The following AKAP8L variants were observed in gnomAD, a reference collection of about 807,000 sequenced individuals.
The protein encoded by AKAP8L is A-kinase anchoring protein 8 like.
AKAP8L carries 34 observed loss-of-function variants against 77.5 expected under a neutral mutation model. The ratio of observed to expected loss-of-function variants is 0.44; its 90% CI spans 0.33 to 0.58. AKAP8L has a LOEUF of 0.58. Among genes scored for constraint, AKAP8L ranks in the 20% least tolerant of loss-of-function variants. The probability of loss-of-function intolerance (pLI) is 0.02; values close to 1 mark genes in which losing one functional copy is unlikely to be tolerated. For missense variants in AKAP8L, 806 were observed against 887.6 expected, an observed-to-expected ratio of 0.91 and a Z score of 1.17; for synonymous variants, 342 against 340.7, an observed-to-expected ratio of 1.00 and a Z score of -0.04.
rs753252583 is a variant in AKAP8L, at chr19:15,401,144, A to G, written c.816+6T>C. ...CTTCCCAGAGGGGAAGGCTGCCTCC[A>G]CTCACTCGGAAGTCGGCTGTGGTCC... On this transcript the variant is annotated splice_donor_region_variant and intron_variant, in intron 5 of 13. Transcript: ENST00000397410. The surrounding 1 kb of genome is among the most constrained non-coding windows in gnomAD (Gnocchi z 6.2). 8.7e-6 allele frequency: 14 copies of G among 1,604,726 alleles called. No homozygotes were observed. The highest frequency in any genetic ancestry group is 1.2e-5 in the Non-Finnish European group (14 of 1,177,196).
At chr19:15,381,406 A>C (rs982115484) in intron 12 of AKAP8L, among the ~76,000 whole-genome samples, 5 of 152,226 alleles carry the variant, frequency 3.3e-5, no homozygotes, top group African/African-American at 1.2e-4. Flanking sequence ...TCTGCAGAGC[A>C]TGCCAGAGCC....
Position 15,401,768 on chromosome 19 carries a change from T to C in AKAP8L, c.363-165A>G, listed in dbSNP as rs1048868692. 6.6e-6 allele frequency among the ~76,000 whole-genome samples: 1 copy of C among 152,198 alleles called. No homozygotes were observed. The highest frequency in any genetic ancestry group is 2.4e-5 in the African/African-American group (1 of 41,448). Reference sequence around the variant, plus strand: ...TAAAGAGTTCCAGCCTCTCAGCTGATATAGGGGCACCACTGCCCCAAACTT... The same window carrying C: ...TAAAGAGTTCCAGCCTCTCAGCTGACATAGGGGCACCACTGCCCCAAACTT... On this transcript the variant is annotated intron_variant, in intron 4 of 13. Coordinates refer to ENST00000397410, the MANE Select transcript of AKAP8L (RefSeq NM_014371.4). This position sits in a 1 kb window ranked among gnomAD's most constrained non-coding sequence, Gnocchi z 6.2.
chr19:15,390,842 G>A (rs193113315), intron 12 of AKAP8L, among the ~76,000 whole-genome samples: 73 of 152,310 alleles, frequency 4.8e-4, no homozygotes, highest in African/African-American at 1.7e-3. Flanking sequence ...AACAGAGGCA[G>A]AAAAAGCATT....
chr19:15,388,283 A>G (rs1234668966), intron 12 of AKAP8L, among the ~76,000 whole-genome samples: 1 of 152,086 alleles, frequency 6.6e-6, no homozygotes, highest in African/African-American at 2.4e-5. Context: ...ATCAGTGCCC[A>G]GAGTTGCCAC....
At chr19:15,395,130 C>T (rs1414993397) in intron 12 of AKAP8L, among the ~76,000 whole-genome samples, 1 of 151,540 alleles carries the variant, frequency 6.6e-6, no homozygotes, top group Non-Finnish European at 1.5e-5. Context: ...CCTGGGTTCA[C>T]GCCATTCTCC....
intron 2 of AKAP8L, 136 bp from the exon 3 acceptor site, chr19:15,404,178 G>T: frequency 1.2e-6 from 1 of 810,526 alleles, no homozygotes; most frequent in South Asian, 1.7e-5. Context: ...CCTTGAGCTC[G>T]CGAGCACTGC....
Position 15,403,586 on chromosome 19 carries a change from C to A in AKAP8L, c.251G>T (p.Gly84Val). Reference sequence around the variant, plus strand: ...TAAAACGGAATCGGCACTGGCGCTACCCGAGGCACTAGTGTTTGCATTTGT... The same window carrying A: ...TAAAACGGAATCGGCACTGGCGCTAACCGAGGCACTAGTGTTTGCATTTGT... Reference protein sequence around the residue: ...SDTNANTSASGSASADSVLSR... With the variant: ...SDTNANTSASVSASADSVLSR... The change falls in exon 4 of 14, where the codon GGT becomes GTT. Residue 84 changes from glycine (G) to valine (V), a missense_variant. By Grantham distance (109) the Gly-to-Val change is moderately radical (BLOSUM62 -3). This residue lies in a region of AKAP8L where 580 missense variants were observed against 694.1 expected (regional missense o/e 0.84). Coordinates refer to ENST00000397410, the MANE Select transcript of AKAP8L (RefSeq NM_014371.4). The surrounding 1 kb of genome is among the most constrained non-coding windows in gnomAD (Gnocchi z 4.3). 6.2e-7 allele frequency: 1 copy of A among 1,613,980 alleles called. No homozygotes were observed. Among genetic ancestry groups the A allele is most frequent in the Non-Finnish European group, 8.5e-7 (1 of 1,179,898 alleles).
intron 12 of AKAP8L, chr19:15,380,832 A>T: frequency 1.7e-6 from 1 of 584,150 alleles, no homozygotes; most frequent in East Asian, 2.8e-5. Context: ...GTAAATAAAA[A>T]TACAGATCTA....
In AKAP8L at chr19:15,397,079, A is replaced by C; in HGVS notation, c.1536+71T>G. The C allele has an allele frequency of 6.3e-7, 1 of 1,592,084 alleles. No homozygotes were observed. The highest frequency in any genetic ancestry group is 8.6e-7 in the Non-Finnish European group (1 of 1,165,734). On this transcript the variant is annotated intron_variant, in intron 12 of 13. Transcript: ENST00000397410. This position sits in a 1 kb window ranked among gnomAD's most constrained non-coding sequence, Gnocchi z 4.7. ...CCCTCACGGGCTGGCAGAGGTTCCA[A>C]CTGCACAACCTCCCCAGAGGCCTCA...
intron 1 of AKAP8L, chr19:15,417,840 G>A (rs1968235763): frequency 1.3e-5 from 2 of 152,216 alleles, no homozygotes; most frequent in South Asian, 4.1e-4. Context: ...TGGCCGAGAA[G>A]CCTCATCAGT....
rs567736313 is a variant in AKAP8L at position 15,399,213 on chromosome 19, G to A, written c.1157+89C>T. The A allele has an allele frequency of 1.4e-4, 172 of 1,218,856 alleles. No individual in the cohort carries two copies. The African/African-American group carries it at 2.3e-3, about 17-fold the overall frequency. The allele number at this position is 1,218,856 out of a possible 1,614,324, so 75.5% of individuals were successfully genotyped here. On this transcript the variant is annotated intron_variant, in intron 9 of 13. Coordinates refer to ENST00000397410, the MANE Select transcript of AKAP8L (RefSeq NM_014371.4). The surrounding 1 kb of genome is among the most constrained non-coding windows in gnomAD (Gnocchi z 6.1). ...TGGCGGCTCCCAAGGGAGGCCAGAG[G>A]GCGGCGAGCTGGCAGAGCTATGGCC... is the stretch of plus-strand genomic sequence containing the variant.
intron 1 of AKAP8L, among the ~76,000 whole-genome samples, chr19:15,418,287 A>T (rs1968248957): frequency 6.6e-6 from 1 of 152,226 alleles, no homozygotes; most frequent in South Asian, 2.1e-4. Context: ...GACACGGTTC[A>T]TTTGACAGAC....
At chr19:15,413,239 T>C (rs1223252808) in intron 1 of AKAP8L, among the ~76,000 whole-genome samples, 1 of 152,258 alleles carries the variant, frequency 6.6e-6, no homozygotes, top group Non-Finnish European at 1.5e-5. Flanking sequence ...TCTACCAGTG[T>C]GGTGCCAAAA....
chr19:15,384,301 TG>T (rs1488600589), intron 12 of AKAP8L, among the ~76,000 whole-genome samples: 113 of 53,446 alleles, frequency 2.1e-3, no homozygotes, highest in African/African-American at 0.014. Flanking sequence ...CTTCCCTCCC[TG>T]TTTTTTTTTT....
chr19:15,406,879 C>T (rs1968012044), intron 2 of AKAP8L, among the ~76,000 whole-genome samples: 4 of 152,216 alleles, frequency 2.6e-5, no homozygotes, highest in Admixed American at 2.6e-4. Context: ...AATCAGATTA[C>T]ACCTACCTAC....
At chr19:15,404,308 C>G in intron 2 of AKAP8L, 2 of 460,736 alleles carry the variant, frequency 4.3e-6, no homozygotes, top group Non-Finnish European at 7.7e-6. Context: ...TCCTATACTC[C>G]TCCCTTTAAG....
chr19:15,397,109 A>T lies in AKAP8L; in HGVS notation c.1536+41T>A. On this transcript the variant is annotated intron_variant, in intron 12 of 13. Transcript: ENST00000397410. The surrounding 1 kb of genome is among the most constrained non-coding windows in gnomAD (Gnocchi z 4.7). ...ACAACCTCCCCAGAGGCCTCACTCA[A>T]TCTACCCACAGGACAGAGGGAGAGC... 1 of 1,607,592 alleles carries T rather than the reference A, an allele frequency of 6.2e-7. No individual in the cohort carries two copies. The highest frequency in any genetic ancestry group is 8.5e-7 in the Non-Finnish European group (1 of 1,175,810).
rs143220057 is a variant in AKAP8L at position 15,388,148 on chromosome 19, C to T, written c.1537-7536G>A. ...AGAGCGAGCCCATGGCTTCCTCCCT[C>T]CAAGACACACCACCAGTTTCATACT... On this transcript the variant is annotated intron_variant, in intron 12 of 13. Transcript: ENST00000397410. Among the ~76,000 whole-genome samples the T allele has an allele frequency of 5.2e-3, 793 of 151,752 alleles. 8 individuals carry two copies. Among genetic ancestry groups the T allele is most frequent in the Middle Eastern group, 0.021 (6 of 292 alleles).
Position 15,403,994 on chromosome 19 carries a change from C to T in AKAP8L, c.121+16G>A, listed in dbSNP as rs767219199. Reference sequence around the variant, plus strand: ...ACCCCAAGGGACAGGACAGCAATCACAGGAATGACACTTGCCTCTATTTGT... The same window carrying T: ...ACCCCAAGGGACAGGACAGCAATCATAGGAATGACACTTGCCTCTATTTGT... On this transcript the variant is annotated intron_variant, in intron 3 of 13. Transcript: ENST00000397410. The surrounding 1 kb of genome is among the most constrained non-coding windows in gnomAD (Gnocchi z 4.3). 6.2e-7 allele frequency: 1 copy of T among 1,613,780 alleles called. No individual in the cohort carries two copies. Among genetic ancestry groups the T allele is most frequent in the South Asian group, 1.1e-5 (1 of 91,072 alleles).
Sources: allele counts gnomAD v4.1 joint callset (sites outside exome capture counted in the v4.1 genomes callset), GRCh38; gene constraint gnomAD v4.1.1; regional missense constraint gnomAD v4.1.1; non-coding constraint Gnocchi (gnomAD v3.1); transcripts MANE v1.5; gene names NCBI Gene and HGNC (gene_info 2026-07-23, HGNC 2026-07-21).